Variants in RBM47 observed in about 807,000 individuals in gnomAD.
RBM47 encodes the protein RNA binding motif protein 47.
Under a neutral mutation model 47.1 loss-of-function variants are expected in RBM47, and 21 were observed. The ratio of observed to expected loss-of-function variants is 0.45; its 90% confidence interval spans 0.32 to 0.64. RBM47 has a LOEUF of 0.64. Ranked by LOEUF, RBM47 falls within the 30% of genes least tolerant of loss-of-function variation. RBM47 has a pLI of 0.05. For missense variants in RBM47, 708 were observed against 870.9 expected (o/e 0.81, Z 2.35); for synonymous variants, 375 against 361.7 (o/e 1.04, Z -0.42).
chr4:40,580,219 C>T (rs1560483653), intron 1 of RBM47, among the ~76,000 whole-genome samples: 1 of 147,416 alleles, frequency 6.8e-6, no homozygotes, highest in African/African-American at 2.5e-5. Flanking sequence ...TTTCCTCATA[C>T]TTTTTTTTTT....
chr4:40,594,133 C>T (rs919753184), intron 1 of RBM47, among the ~76,000 whole-genome samples: 4 of 152,084 alleles, frequency 2.6e-5, no homozygotes, highest in Non-Finnish European at 5.9e-5. Flanking sequence ...CTTCCACCCA[C>T]TTCAAATATG....
intron 2 of RBM47, among the ~76,000 whole-genome samples, chr4:40,480,032 C>A (rs992592512): frequency 7.3e-6 from 1 of 136,476 alleles, no homozygotes; most frequent in African/African-American, 2.8e-5. Context: ...GGCTGGAATG[C>A]AATTCTGTGA....
intron 2 of RBM47, among the ~76,000 whole-genome samples, chr4:40,511,934 C>CAAA (rs769931419): frequency 2.3e-5 from 2 of 85,512 alleles, no homozygotes; most frequent in South Asian, 6.9e-4. Flanking sequence ...GACTCTGTCT[C>CAAA]AAAAAAAAAA....
At chr4:40,562,996 A>G (rs1208298855) in intron 1 of RBM47, among the ~76,000 whole-genome samples, 1 of 152,212 alleles carries the variant, frequency 6.6e-6, no homozygotes, top group Non-Finnish European at 1.5e-5. Flanking sequence ...AAAATATCCA[A>G]AATGACGGGA....
chr4:40,626,124 G>A (rs966427228), intron 1 of RBM47, among the ~76,000 whole-genome samples: 9 of 152,120 alleles, frequency 5.9e-5, no homozygotes, highest in East Asian at 1.9e-4. Flanking sequence ...CCCACAAATC[G>A]TTGTTTACAT....
intron 1 of RBM47, among the ~76,000 whole-genome samples, chr4:40,625,037 A>C (rs958901535): frequency 5.9e-5 from 9 of 151,978 alleles, no homozygotes; most frequent in African/African-American, 2.2e-4. Flanking sequence ...TTTAGTAGAG[A>C]CAGGGTTTCA....
rs147686142 is a variant in RBM47 at position 40,476,002 on chromosome 4, C to T, written c.-154-9303G>A. On this transcript the variant is annotated intron_variant, in intron 2 of 6. Transcript: ENST00000295971. ...GATGGATTTGGGGAAGGCTCAAAAGCTTTGCCACTTCATAGAGGACATTTA... is the reference window on the plus strand; with the variant it reads ...GATGGATTTGGGGAAGGCTCAAAAGTTTTGCCACTTCATAGAGGACATTTA... 6.8e-4 allele frequency among the ~76,000 whole-genome samples: 103 copies of T among 152,282 alleles called. 1 individual carries two copies. The East Asian group carries it at 0.017, about 25-fold the overall frequency.
chr4:40,508,786 T>A (rs1724470716), intron 2 of RBM47, among the ~76,000 whole-genome samples: 2 of 152,256 alleles, frequency 1.3e-5, no homozygotes, highest in South Asian at 4.1e-4. Flanking sequence ...TACATACACA[T>A]ATAAAAATTC....
intron 1 of RBM47, among the ~76,000 whole-genome samples, chr4:40,624,111 A>G (rs564652181): frequency 2.4e-4 from 37 of 152,306 alleles, no homozygotes; most frequent in Non-Finnish European, 4.9e-4. Flanking sequence ...CTTGGTCTCC[A>G]AAAGTGCTGG....
chr4:40,525,747 T>C (rs1726642997), intron 2 of RBM47, among the ~76,000 whole-genome samples: 1 of 152,156 alleles, frequency 6.6e-6, no homozygotes. Flanking sequence ...ACCTAGGGAA[T>C]AGGCTTAAGT....
chr4:40,580,219 C>CTT lies in RBM47; in HGVS notation c.-239-35715_-239-35714dup, dbSNP rs551489505. On this transcript the variant is annotated intron_variant, in intron 1 of 6. Transcript: ENST00000295971. ...TATTTTCTAAATGTGTTTCCTCATA[C>CTT]TTTTTTTTTTTTAACTCTTAGAATC... is the stretch of plus-strand genomic sequence containing the variant. Among the ~76,000 whole-genome samples the CTT allele has an allele frequency of 6.6e-3, 971 of 147,472 alleles. 19 individuals are homozygous for CTT. The highest frequency in any genetic ancestry group is 0.023 in the African/African-American group (930 of 40,364).
At chr4:40,442,723 G>T (rs934291667) in intron 3 of RBM47, among the ~76,000 whole-genome samples, 1 of 151,942 alleles carries the variant, frequency 6.6e-6, no homozygotes, top group Admixed American at 6.6e-5. Flanking sequence ...TGTCACCCAG[G>T]CTGGCGTGCA....
At chr4:40,611,093 G>A (rs560593187) in intron 1 of RBM47, among the ~76,000 whole-genome samples, 55 of 152,212 alleles carry the variant, frequency 3.6e-4, no homozygotes, top group Middle Eastern at 3.4e-3. Flanking sequence ...ATCCCCTGCT[G>A]TGCCTCCTCA....
chr4:40,571,601 A>G (rs1731716869), intron 1 of RBM47, among the ~76,000 whole-genome samples: 1 of 152,072 alleles, frequency 6.6e-6, no homozygotes, highest in Admixed American at 6.5e-5. Flanking sequence ...CAATTCAACT[A>G]CATAAAATTT....
chr4:40,520,196 G>A (rs759909781), intron 2 of RBM47, among the ~76,000 whole-genome samples: 3 of 151,886 alleles, frequency 2.0e-5, no homozygotes, highest in Admixed American at 6.6e-5. Context: ...TGTTCTATAC[G>A]GCACTTGGCA....
chr4:40,553,576 T>C (rs773943999), intron 1 of RBM47, among the ~76,000 whole-genome samples: 33 of 152,140 alleles, frequency 2.2e-4, no homozygotes, highest in Non-Finnish European at 4.1e-4. Flanking sequence ...GGATTACAGG[T>C]GTGAGCCACT....
At position 40,425,947 on chromosome 4, in the gene RBM47, G is replaced by A. The variant is rs768427522; in HGVS notation, c.1739C>T (p.Ala580Val). 1.2e-6 allele frequency: 2 copies of A among 1,614,212 alleles called. No homozygotes were observed. The highest frequency in any genetic ancestry group is 1.7e-6 in the Non-Finnish European group (2 of 1,180,040). Reference protein sequence around the residue: ...AGYIPQAFPAAAIQVPIPDVY... With the variant: ...AGYIPQAFPAVAIQVPIPDVY... ...GTCGGGGATGGGGACCTGAATGGCAGCAGCAGGGAAGGCCTGAGGTATGTA... is the reference window on the plus strand; with the variant it reads ...GTCGGGGATGGGGACCTGAATGGCAACAGCAGGGAAGGCCTGAGGTATGTA... The change falls in exon 7 of 7, where the codon GCT becomes GTT. Residue 580 changes from alanine to valine, a missense_variant. Ala to Val is a moderately conservative substitution (Grantham distance 64, BLOSUM62 0). Coordinates refer to ENST00000295971, the MANE Select transcript of RBM47 (RefSeq NM_001098634.2).
In RBM47 at chr4:40,432,685, A is replaced by ACAGCGGCTG. The variant is rs748009887; in HGVS notation, c.1499_1507dup (p.Ala500_Ala502dup). On this transcript the variant is annotated inframe_insertion, in exon 6 of 7. Coordinates refer to ENST00000295971, the MANE Select transcript of RBM47 (RefSeq NM_001098634.2). ...TGGTGGCGTCGACACAGTGGGAATG[A>ACAGCGGCTG]CAGCGGCTGCGGCGGCTGCGGCCGC... 2.5e-6 allele frequency: 4 copies of ACAGCGGCTG among 1,610,696 alleles called. No individual in the cohort carries two copies. Among genetic ancestry groups the ACAGCGGCTG allele is most frequent in the Non-Finnish European group, 3.4e-6 (4 of 1,179,450 alleles).
intron 1 of RBM47, among the ~76,000 whole-genome samples, chr4:40,545,080 C>G (rs1371889515): frequency 1.4e-5 from 2 of 140,660 alleles, no homozygotes; most frequent in African/African-American, 2.6e-5. Context: ...CAGACGGAGT[C>G]TCGCTCTGTC....
Sources: gnomAD v4.1 joint callset for allele counts (sites outside exome capture counted in the v4.1 genomes callset) on GRCh38, gnomAD v4.1.1 for gene constraint, MANE v1.5 for transcripts, NCBI Gene and HGNC (gene_info 2026-07-23, HGNC 2026-07-21) for gene names.